RNF121: variants seen among roughly 807,000 people sequenced by gnomAD.
RNF121 encodes the protein E3 ubiquitin ligase RNF121.
RNF121 carries 21 observed loss-of-function variants against 46.5 expected under a neutral mutation model. The observed-to-expected ratio is 0.45, with a 90% CI of 0.32 to 0.65. RNF121 has a LOEUF of 0.65. RNF121 is among the 30% of genes least tolerant of loss of function. The pLI is 0.04. For missense variants in RNF121, 346 were observed against 416.0 expected, an observed-to-expected ratio of 0.83 and a Z score of 1.46; for synonymous variants, 139 against 144.7, an observed-to-expected ratio of 0.96 and a Z score of 0.28.
chr11:71,950,014 A>AACAC lies in RNF121; in HGVS notation c.64-7197_64-7194dup, dbSNP rs57734644. 4.6e-3 allele frequency among the ~76,000 whole-genome samples: 690 copies of AACAC among 150,636 alleles called. 9 individuals carry two copies. Among genetic ancestry groups the AACAC allele is most frequent in the African/African-American group, 0.015 (624 of 41,044 alleles). Reference sequence around the variant, plus strand: ...AGACTCCATCTCAAAAACAAAACAGAACACACACACACACACACAAAACTC... The same window carrying AACAC: ...AGACTCCATCTCAAAAACAAAACAGAACACACACACACACACACACACAAAACTC... On this transcript the variant is annotated intron_variant, in intron 1 of 8. Transcript: ENST00000361756.
intron 1 of RNF121, among the ~76,000 whole-genome samples, chr11:71,950,642 A>G (rs1403160546): frequency 6.6e-6 from 1 of 151,882 alleles, no homozygotes; most frequent in Non-Finnish European, 1.5e-5. Context: ...ACCTCACCAC[A>G]CTAAAGGCAT....
At chr11:71,967,373 G>A (rs1348625885) in intron 3 of RNF121, among the ~76,000 whole-genome samples, 6 of 95,180 alleles carry the variant, frequency 6.3e-5, no homozygotes, top group East Asian at 3.3e-4. Flanking sequence ...TTTTTGAGAC[G>A]GAGTCTCACT....
At chr11:71,936,862 A>C (rs1953427257) in intron 1 of RNF121, among the ~76,000 whole-genome samples, 1 of 152,112 alleles carries the variant, frequency 6.6e-6, no homozygotes, top group South Asian at 2.1e-4. Context: ...ATCTTTGTAC[A>C]TTCCTCAGTG....
intron 1 of RNF121, among the ~76,000 whole-genome samples, chr11:71,954,961 A>G (rs1174227742): frequency 6.6e-6 from 1 of 152,200 alleles, no homozygotes; most frequent in Non-Finnish European, 1.5e-5. Context: ...TGAGTGCTTA[A>G]TATATGCTCA....
chr11:71,989,673 T>C (rs557376360), intron 5 of RNF121, among the ~76,000 whole-genome samples: 4 of 152,162 alleles, frequency 2.6e-5, no homozygotes. Context: ...AGGTTGCAAA[T>C]TATCGGTCCT....
At chr11:71,979,661 A>G (rs1954603988) in intron 3 of RNF121, among the ~76,000 whole-genome samples, 1 of 152,220 alleles carries the variant, frequency 6.6e-6, no homozygotes, top group Non-Finnish European at 1.5e-5. Context: ...CAGAATGTAC[A>G]GAGCTGCAGC....
chr11:71,967,820 G>A (rs190412389), intron 3 of RNF121, among the ~76,000 whole-genome samples: 13 of 151,432 alleles, frequency 8.6e-5, no homozygotes, highest in Admixed American at 1.3e-4. Flanking sequence ...ACATTATTAA[G>A]TATTATATGT....
At chr11:71,946,110 T>TA (rs1299914597) in intron 1 of RNF121, among the ~76,000 whole-genome samples, 147 of 151,014 alleles carry the variant, frequency 9.7e-4, no homozygotes, top group East Asian at 3.9e-3. Context: ...GACTCTGCCT[T>TA]AAAAAAGAAA....
At chr11:71,957,492 A>AG (rs1261175387) in intron 2 of RNF121, among the ~76,000 whole-genome samples, 1 of 152,104 alleles carries the variant, frequency 6.6e-6, no homozygotes, top group East Asian at 1.9e-4. Context: ...TACCATTTCT[A>AG]CCATTTACTA....
chr11:71,995,395 T>G (rs751127526), intron 7 of RNF121, 55 bp from the exon 8 acceptor site: 2 of 1,404,546 alleles, frequency 1.4e-6, no homozygotes, highest in South Asian at 2.5e-5. Context: ...AAAGACTGTC[T>G]GGGGCTGGAG....
At chr11:71,976,905 T>C (rs1954537316) in intron 3 of RNF121, among the ~76,000 whole-genome samples, 1 of 152,214 alleles carries the variant, frequency 6.6e-6, no homozygotes, top group Non-Finnish European at 1.5e-5. Flanking sequence ...GAAATAAACT[T>C]TTTTCATTTT....
intron 3 of RNF121, chr11:71,977,944 T>C (rs1954563499): frequency 3.7e-6 from 1 of 268,386 alleles, no homozygotes; most frequent in South Asian, 3.0e-5. Context: ...GAGATGGCAC[T>C]AGAGGCCCTG....
intron 3 of RNF121, among the ~76,000 whole-genome samples, chr11:71,981,479 A>C (rs2134204192): frequency 6.6e-6 from 1 of 151,590 alleles, no homozygotes. Flanking sequence ...CAGGAAGAAA[A>C]CCTCCATTAT....
At chr11:71,995,405 G>T in intron 7 of RNF121, 45 bp from the exon 8 acceptor site, 1 of 1,483,534 alleles carries the variant, frequency 6.7e-7, no homozygotes, top group Non-Finnish European at 9.2e-7. Context: ...TGGGGCTGGA[G>T]TGCCGCCCTG....
chr11:71,974,266 A>C (rs72477716), intron 3 of RNF121, among the ~76,000 whole-genome samples: 4,955 of 152,314 alleles, frequency 0.033, 76 homozygotes, highest in East Asian at 0.077. Context: ...GAGTAAGGTC[A>C]TACTGTATCT....
intron 1 of RNF121, among the ~76,000 whole-genome samples, chr11:71,954,697 G>C (rs1434966704): frequency 1.3e-5 from 2 of 152,170 alleles, no homozygotes; most frequent in African/African-American, 2.4e-5. Context: ...GCCTGGCCCA[G>C]TATTCCAGAT....
chr11:71,963,680 T>G (rs1954197997), intron 3 of RNF121, among the ~76,000 whole-genome samples: 2 of 152,190 alleles, frequency 1.3e-5, no homozygotes, highest in African/African-American at 2.4e-5. Flanking sequence ...ATTTTGAGTT[T>G]TTGTAAATGG....
At chr11:71,953,295 A>G (rs183559886) in intron 1 of RNF121, among the ~76,000 whole-genome samples, 42 of 152,310 alleles carry the variant, frequency 2.8e-4, no homozygotes, top group African/African-American at 9.9e-4. Flanking sequence ...AGACTCCCAA[A>G]GTGCTGGGAT....
intron 5 of RNF121, among the ~76,000 whole-genome samples, chr11:71,988,465 A>G (rs973260201): frequency 3.3e-5 from 5 of 152,068 alleles, no homozygotes; most frequent in African/African-American, 1.2e-4. Flanking sequence ...GCCTAGTTAT[A>G]TTGTAGGCAG....
Sources: allele counts gnomAD v4.1 joint callset (sites outside exome capture counted in the v4.1 genomes callset), GRCh38; gene constraint gnomAD v4.1.1; transcripts MANE v1.5; gene names NCBI Gene and HGNC (gene_info 2026-07-23, HGNC 2026-07-21).